The following GBX1 variants were observed in gnomAD, a reference collection of about 807,000 sequenced individuals.
GBX1 encodes gastrulation brain homeobox 1.
In GBX1, 9 loss-of-function variants were observed where a neutral mutation model predicts 22.9. The ratio of observed to expected loss-of-function variants is 0.39; its 90% CI spans 0.24 to 0.69. The LOEUF (loss-of-function observed/expected upper bound fraction) is 0.69, where lower values mean the gene tolerates loss of function less well. Ranked by LOEUF, GBX1 falls within the 30% of genes least tolerant of loss-of-function variation. The pLI is 0.43. For synonymous variants in GBX1, 203 were observed against 227.3 expected, an observed-to-expected ratio of 0.89 and a Z score of 0.96; for missense variants, 494 against 509.2, an observed-to-expected ratio of 0.97 and a Z score of 0.29.
At chr7:151,162,413 G>A (rs948353586) in intron 1 of GBX1, among the ~76,000 whole-genome samples, 1 of 152,094 alleles carries the variant, frequency 6.6e-6, no homozygotes, top group African/African-American at 2.4e-5. Context: ...ACGGTAATCA[G>A]CACTTGAATA....
chr7:151,163,805 T>C (rs1338270678), intron 1 of GBX1, among the ~76,000 whole-genome samples: 1 of 152,198 alleles, frequency 6.6e-6, no homozygotes, highest in Non-Finnish European at 1.5e-5. Flanking sequence ...TTCTCTCCTC[T>C]TTATTACTCT....
rs112152030 is a variant in GBX1 at position 151,157,423 on chromosome 7, C to A, written c.539-8281G>T. ...AGAGCAAACAGAAAGCCTCACTGAG[C>A]GATGGAAATTTTTGTACTATCTTCA... On this transcript the variant is annotated intron_variant, in intron 1 of 1. Coordinates refer to ENST00000297537, the MANE Select transcript of GBX1 (RefSeq NM_001098834.3). Among the ~76,000 whole-genome samples, 5 of 152,298 alleles carry A rather than the reference C, an allele frequency of 3.3e-5. No homozygotes were observed. The South Asian group carries it at 1.0e-3, about 32-fold the overall frequency.
chr7:151,148,419 C>G lies in GBX1; in HGVS notation c.*170G>C, dbSNP rs1801037679. On this transcript the variant is annotated 3_prime_UTR_variant, in exon 2 of 2. Coordinates refer to ENST00000297537, the MANE Select transcript of GBX1 (RefSeq NM_001098834.3). This position sits in a 1 kb window ranked among gnomAD's most constrained non-coding sequence, Gnocchi z 5.1. ...GGCTCAGGGCCAAGTGCTCACATCT[C>G]AGGTTCTGGGAGGAGTCTGGGAAGA... 6.6e-6 allele frequency among the ~76,000 whole-genome samples: 1 copy of G among 152,192 alleles called. No homozygotes were observed. Among genetic ancestry groups the G allele is most frequent in the Non-Finnish European group, 1.5e-5 (1 of 68,030 alleles).
At chr7:151,163,045 A>ATC (rs1334281617) in intron 1 of GBX1, among the ~76,000 whole-genome samples, 1 of 152,034 alleles carries the variant, frequency 6.6e-6, no homozygotes. Flanking sequence ...ATCTCAGGTG[A>ATC]TCTGCCCATC....
intron 1 of GBX1, among the ~76,000 whole-genome samples, chr7:151,152,608 G>A (rs939851455): frequency 1.3e-5 from 2 of 152,192 alleles, no homozygotes; most frequent in African/African-American, 4.8e-5. Context: ...AGGCTTGAAG[G>A]ATAAAATCAG....
chr7:151,152,463 G>A (rs1801090941), intron 1 of GBX1, among the ~76,000 whole-genome samples: 1 of 152,166 alleles, frequency 6.6e-6, no homozygotes, highest in African/African-American at 2.4e-5. Flanking sequence ...AATACCATTA[G>A]TAAATCCTCT....
chr7:151,167,077 CCCG>C lies in GBX1; in HGVS notation c.469_471del (p.Arg157del). On this transcript the variant is annotated inframe_deletion, in exon 1 of 2. Transcript: ENST00000297537. This position sits in a 1 kb window ranked among gnomAD's most constrained non-coding sequence, Gnocchi z 5.9. Reference sequence around the variant, plus strand: ...GGTGGTGGGGGCTCTGCCACTTTCTCCCGGGCCGGCAGCAGCTCATCAGCTTCC... The same window carrying C: ...GGTGGTGGGGGCTCTGCCACTTTCTCGGCCGGCAGCAGCTCATCAGCTTCC... The C allele has an allele frequency of 1.2e-6, 2 of 1,602,762 alleles. No individual in the cohort carries two copies. Among genetic ancestry groups the C allele is most frequent in the Non-Finnish European group, 1.7e-6 (2 of 1,176,276 alleles).
chr7:151,149,086 G>A lies in GBX1; in HGVS notation c.595C>T (p.Pro199Ser). ...TCTTCCTCCTGTTCGCTGCCTGCTG[G>A]GTCTCCTGCTGATGCCTCCAGCTTC... ...EEKLEASAGD[P>S]AGSEQEEEGS... Residue 199 changes from proline (P) to serine (S), a missense_variant, in exon 2 of 2, where the codon CCA (proline) becomes TCA (serine). Coordinates refer to ENST00000297537, the MANE Select transcript of GBX1 (RefSeq NM_001098834.3). 6.2e-7 allele frequency: 1 copy of A among 1,612,746 alleles called. No individual in the cohort carries two copies. The highest frequency in any genetic ancestry group is 1.7e-5 in the Admixed American group (1 of 60,010).
intron 1 of GBX1, among the ~76,000 whole-genome samples, chr7:151,166,484 CCCAA>C (rs1801252412): frequency 8.0e-6 from 1 of 125,742 alleles, no homozygotes. Context: ...ACCCCCCCCC[CCCAA>C]CACACACACA....
chr7:151,157,714 C>T (rs1003192934), intron 1 of GBX1, among the ~76,000 whole-genome samples: 4 of 152,200 alleles, frequency 2.6e-5, no homozygotes, highest in Admixed American at 1.3e-4. Flanking sequence ...TTCCCCGCTA[C>T]ACTACCCACT....
chr7:151,149,819 C>A, intron 1 of GBX1: 1 of 433,578 alleles, frequency 2.3e-6, no homozygotes, highest in Non-Finnish European at 4.7e-6. Flanking sequence ...AGCCATGCAG[C>A]ACCTTGAGTG....
At position 151,167,095 on chromosome 7, in the gene GBX1, C is replaced by A; in HGVS notation, c.454G>T (p.Glu152Ter). Reference sequence around the variant, plus strand: ...ACTTTCTCCCGGGCCGGCAGCAGCTCATCAGCTTCCAGCCCACCCTCTGGG... The same window carrying A: ...ACTTTCTCCCGGGCCGGCAGCAGCTAATCAGCTTCCAGCCCACCCTCTGGG... Reference protein sequence around the residue: ...RRPEGGLEADELLPAREKVAE... With the variant: ...RRPEGGLEAD Residue 152 changes from glutamate to a stop codon, truncating the protein, a stop_gained, in exon 1 of 2, where the codon GAG (glutamate) becomes TAG (stop). Transcript: ENST00000297537. LOFTEE classifies it high-confidence loss of function. The surrounding 1 kb of genome is among the most constrained non-coding windows in gnomAD (Gnocchi z 5.9). The A allele has an allele frequency of 6.2e-7, 1 of 1,604,768 alleles. No individual in the cohort carries two copies. Among genetic ancestry groups the A allele is most frequent in the Non-Finnish European group, 8.5e-7 (1 of 1,176,994 alleles).
chr7:151,166,915 G>C, intron 1 of GBX1, 96 bp downstream of exon 1: 1 of 1,251,000 alleles, frequency 8.0e-7, no homozygotes, highest in Non-Finnish European at 1.1e-6. Flanking sequence ...CAAGGCTCCA[G>C]GCAGGTGCCG....
At chr7:151,159,085 A>ATT (rs34407378) in intron 1 of GBX1, among the ~76,000 whole-genome samples, 5 of 140,900 alleles carry the variant, frequency 3.5e-5, no homozygotes, top group Admixed American at 7.1e-5. Flanking sequence ...AAGTGTCTGA[A>ATT]TTTTTTTTTT....
intron 1 of GBX1, among the ~76,000 whole-genome samples, chr7:151,163,050 C>A (rs1801205055): frequency 2.0e-5 from 3 of 152,258 alleles, no homozygotes; most frequent in South Asian, 4.1e-4. Flanking sequence ...AGGTGATCTG[C>A]CCATCTCGGC....
intron 1 of GBX1, among the ~76,000 whole-genome samples, chr7:151,150,767 T>C (rs1031279479): frequency 6.6e-6 from 1 of 152,116 alleles, no homozygotes; most frequent in African/African-American, 2.4e-5. Flanking sequence ...AGACTCTCAC[T>C]CTGTCAGCAA....
chr7:151,155,325 CAT>C (rs1445287302), intron 1 of GBX1, among the ~76,000 whole-genome samples: 1 of 152,144 alleles, frequency 6.6e-6, no homozygotes, highest in African/African-American at 2.4e-5. Flanking sequence ...AAAAAAGAGA[CAT>C]ATTTGCCATC....
intron 1 of GBX1, chr7:151,150,063 G>A (rs1340653416): frequency 2.5e-6 from 1 of 393,630 alleles, no homozygotes; most frequent in Non-Finnish European, 5.1e-6. Context: ...AGGGAAAAGT[G>A]CAACAGGGAC....
rs1237655118 is a variant in GBX1, at chr7:151,149,153, C to A, written c.539-11G>T. 1.3e-6 allele frequency: 2 copies of A among 1,591,452 alleles called. No homozygotes were observed. The highest frequency in any genetic ancestry group is 1.7e-5 in the Admixed American group (1 of 58,558). ...ACACCTTCCCCTCTGCTGTGAGGAGCAAGAAGCCAATGGATGGGGAGGGAG... is the reference window on the plus strand; with the variant it reads ...ACACCTTCCCCTCTGCTGTGAGGAGAAAGAAGCCAATGGATGGGGAGGGAG... On this transcript the variant is annotated splice_polypyrimidine_tract_variant and intron_variant, in intron 1 of 1. Coordinates refer to ENST00000297537, the MANE Select transcript of GBX1 (RefSeq NM_001098834.3).
Sources: allele counts gnomAD v4.1 joint callset (sites outside exome capture counted in the v4.1 genomes callset), GRCh38; gene constraint gnomAD v4.1.1; non-coding constraint Gnocchi (gnomAD v3.1); transcripts MANE v1.5; gene names NCBI Gene and HGNC (gene_info 2026-07-23, HGNC 2026-07-21).